Variants in VPS53 observed in about 807,000 individuals in gnomAD.
VPS53 encodes the protein VPS53 subunit of GARP complex, also known as vacuolar protein sorting-associated protein 53 homolog.
A neutral mutation model predicts 107.0 loss-of-function variants in VPS53; 70 were observed. The observed-to-expected ratio is 0.65, with a 90% CI of 0.54 to 0.80. VPS53 has a LOEUF of 0.80. VPS53 is among the 30% of genes least tolerant of loss of function. The probability of loss-of-function intolerance (pLI) is 0.00; values close to 1 mark genes in which losing one functional copy is unlikely to be tolerated. For synonymous variants in VPS53, 409 were observed against 393.3 expected (o/e 1.04, Z -0.47); for missense variants, 917 against 1,049.4 (o/e 0.87, Z 1.74).
At chr17:552,024 G>A in intron 16 of VPS53, 74 bp from the exon 17 acceptor site, 17 of 1,380,370 alleles carry the variant, frequency 1.2e-5, no homozygotes, top group Middle Eastern at 1.8e-4. Flanking sequence ...TCAGGCCCCT[G>A]TGTAAAAATC....
At chr17:633,713 T>TA (rs1970061449) in intron 7 of VPS53, among the ~76,000 whole-genome samples, 1 of 152,214 alleles carries the variant, frequency 6.6e-6, no homozygotes, top group Non-Finnish European at 1.5e-5. Flanking sequence ...ACGAGGCTAT[T>TA]ACTGGAATAG....
chr17:681,809 A>G (rs1023056991), intron 4 of VPS53, among the ~76,000 whole-genome samples: 1 of 152,190 alleles, frequency 6.6e-6, no homozygotes, highest in African/African-American at 2.4e-5. Context: ...GGCATCTTCT[A>G]TGTGTCCTCA....
At chr17:695,610 C>T (rs180925688) in intron 4 of VPS53, among the ~76,000 whole-genome samples, 12 of 151,960 alleles carry the variant, frequency 7.9e-5, no homozygotes, top group Admixed American at 2.0e-4. Context: ...AGTGCAGTGG[C>T]GCGATGATGG....
intron 17 of VPS53, among the ~76,000 whole-genome samples, chr17:547,122 C>T (rs1222820651): frequency 2.6e-5 from 4 of 152,128 alleles, no homozygotes; most frequent in African/African-American, 9.7e-5. Flanking sequence ...GGTGATCTGC[C>T]CACCTCGGCC....
Position 518,567 on chromosome 17 carries a change from G to T in VPS53, c.*561C>A, listed in dbSNP as rs1908472854. On this transcript the variant is annotated 3_prime_UTR_variant, in exon 22 of 22. Transcript: ENST00000437048. ...GAAACGTCTTCCAAGTGAACTTCCTGGTTTCCCTTCCCTAGAAACCAGGAG... is the reference window on the plus strand; with the variant it reads ...GAAACGTCTTCCAAGTGAACTTCCTTGTTTCCCTTCCCTAGAAACCAGGAG... The T allele has an allele frequency of 6.6e-6, 1 of 151,768 alleles. No individual in the cohort carries two copies. Among genetic ancestry groups the T allele is most frequent in the African/African-American group, 2.4e-5 (1 of 41,316 alleles). 9.4% of individuals were successfully genotyped at this position (151,768 alleles called of 1,614,324 possible).
At chr17:678,284 T>C (rs905677246) in intron 4 of VPS53, among the ~76,000 whole-genome samples, 3 of 151,332 alleles carry the variant, frequency 2.0e-5, no homozygotes, top group East Asian at 4.0e-4. Flanking sequence ...TAGCTGGACA[T>C]GGTGGCGGGC....
intron 4 of VPS53, among the ~76,000 whole-genome samples, chr17:672,499 C>A (rs1314974762): frequency 6.6e-6 from 1 of 152,014 alleles, no homozygotes; most frequent in Non-Finnish European, 1.5e-5. Context: ...ATGAGACTAC[C>A]CTCTAAGAAT....
At chr17:634,060 C>G (rs1374100351) in intron 7 of VPS53, among the ~76,000 whole-genome samples, 1 of 152,216 alleles carries the variant, frequency 6.6e-6, no homozygotes, top group African/African-American at 2.4e-5. Flanking sequence ...CAGCCGCTAG[C>G]CAGGGCACCC....
chr17:595,699 G>C (rs1967934804), intron 12 of VPS53, among the ~76,000 whole-genome samples: 1 of 141,778 alleles, frequency 7.1e-6, no homozygotes, highest in Admixed American at 6.9e-5. Flanking sequence ...GAGGAAGCTG[G>C]GAGATGGGAA....
In VPS53 at chr17:521,687, T is replaced by C. The variant is rs1421467126; in HGVS notation, c.2137A>G (p.Ile713Val). ...GCCTTCCTCACCACCTGCGAGCTGATGGAGGGGAGATCGAGCAGGACCATC... is the reference window on the plus strand; with the variant it reads ...GCCTTCCTCACCACCTGCGAGCTGACGGAGGGGAGATCGAGCAGGACCATC... ...LKMVLLDLPS[I>V]SSQVVRKAPA... is the part of the protein sequence containing the mutation. The change falls in exon 20 of 22, where the codon ATC becomes GTC. Residue 713 changes from isoleucine to valine, a missense_variant. Ile to Val is a conservative substitution (Grantham distance 29). Coordinates refer to ENST00000437048, the MANE Select transcript of VPS53 (RefSeq NM_001128159.3). 1.9e-6 allele frequency: 3 copies of C among 1,550,802 alleles called. No homozygotes were observed. The highest frequency in any genetic ancestry group is 2.6e-6 in the Non-Finnish European group (3 of 1,146,438).
intron 10 of VPS53, among the ~76,000 whole-genome samples, 173 bp downstream of exon 10, chr17:627,001 G>C (rs1361411110): frequency 6.6e-6 from 1 of 152,118 alleles, no homozygotes; most frequent in Non-Finnish European, 1.5e-5. Context: ...AGCAAAGATG[G>C]GGGCAGAGGG....
intron 5 of VPS53, 21 bp from the exon 6 acceptor site, chr17:655,974 A>C (rs1971172639): frequency 1.9e-6 from 3 of 1,600,674 alleles, no homozygotes; most frequent in Admixed American, 1.7e-5. Flanking sequence ...AAAAACCACA[A>C]GAAAGAAAGG....
Position 689,998 on chromosome 17 carries a change from T to G in VPS53, c.285+7420A>C, listed in dbSNP as rs143546734. Among the ~76,000 whole-genome samples, 813 of 151,888 alleles carry G rather than the reference T, an allele frequency of 5.4e-3. 7 individuals are homozygous for G. Among genetic ancestry groups the G allele is most frequent in the African/African-American group, 0.015 (615 of 41,456 alleles). On this transcript the variant is annotated intron_variant, in intron 4 of 21. Coordinates refer to ENST00000437048, the MANE Select transcript of VPS53 (RefSeq NM_001128159.3). ...GCCCCGGACGACACACACAGACAGGTAGAAATCCTGTTTTTTGGGTCTGGC... is the reference window on the plus strand; with the variant it reads ...GCCCCGGACGACACACACAGACAGGGAGAAATCCTGTTTTTTGGGTCTGGC...
chr17:597,400 A>G (rs1158162357), intron 12 of VPS53, among the ~76,000 whole-genome samples: 1 of 152,094 alleles, frequency 6.6e-6, no homozygotes, highest in Non-Finnish European at 1.5e-5. Context: ...GCGCCCACCT[A>G]ATCAGCCACC....
intron 4 of VPS53, among the ~76,000 whole-genome samples, chr17:664,809 A>G (rs1041218886): frequency 6.6e-6 from 1 of 152,150 alleles, no homozygotes; most frequent in Non-Finnish European, 1.5e-5. Context: ...AGGAAGGTAC[A>G]ATGTGTAGGA....
intron 4 of VPS53, chr17:676,467 A>G (rs1424888691): frequency 6.6e-6 from 1 of 152,242 alleles, no homozygotes; most frequent in Admixed American, 6.5e-5. Context: ...AGCAATCAAA[A>G]GCAAGAGTGA....
At chr17:561,591 C>T (rs1912994966) in intron 14 of VPS53, among the ~76,000 whole-genome samples, 1 of 152,130 alleles carries the variant, frequency 6.6e-6, no homozygotes, top group Non-Finnish European at 1.5e-5. Flanking sequence ...CAAAAAGTTA[C>T]GTTCTCTTTG....
intron 12 of VPS53, among the ~76,000 whole-genome samples, chr17:588,879 T>C (rs1597347948): frequency 6.6e-6 from 1 of 152,188 alleles, no homozygotes; most frequent in Admixed American, 6.5e-5. Flanking sequence ...GTGAGGGGTG[T>C]CCTCACCCAC....
chr17:586,293 G>A lies in VPS53; in HGVS notation c.1290C>T (p.Tyr430=), dbSNP rs371670274. 68 of 1,613,894 alleles carry A rather than the reference G, an allele frequency of 4.2e-5. No homozygotes were observed. Among genetic ancestry groups the A allele is most frequent in the South Asian group, 1.8e-4 (16 of 91,086 alleles). The change falls in exon 13 of 22, where the codon TAC becomes TAT. Residue 430 remains tyrosine, a synonymous_variant. Coordinates refer to ENST00000437048, the MANE Select transcript of VPS53 (RefSeq NM_001128159.3). ...ACTTGTCTTGGGATTCGATATACAC[G>A]TAGAGATGAGGCTCAAAACACTTGG... ...IVSKCFEPHL[Y]VYIESQDKNL... is the part of the protein sequence containing the mutation.
Sources: gnomAD v4.1 joint callset for allele counts (sites outside exome capture counted in the v4.1 genomes callset) on GRCh38, gnomAD v4.1.1 for gene constraint, MANE v1.5 for transcripts, NCBI Gene and HGNC (gene_info 2026-07-23, HGNC 2026-07-21) for gene names.